Variants in DPF3 observed in about 807,000 individuals in gnomAD.
DPF3 encodes the protein double PHD fingers 3, also known as zinc finger protein DPF3.
In DPF3, 18 loss-of-function variants were observed where a neutral mutation model predicts 56.8. That is an observed-to-expected ratio of 0.32 (90% CI 0.22 to 0.47). The LOEUF (loss-of-function observed/expected upper bound fraction) is 0.47. DPF3 is among the 20% of genes least tolerant of loss of function. The probability of loss-of-function intolerance (pLI) is 1.00; values close to 1 mark genes in which losing one functional copy is unlikely to be tolerated. For missense variants in DPF3, 403 were observed against 488.8 expected (o/e 0.82, Z 1.65); for synonymous variants, 188 against 180.2 (o/e 1.04, Z -0.35).
At chr14:72,659,369 G>A (rs935889214) in intron 8 of DPF3, among the ~76,000 whole-genome samples, 1 of 152,016 alleles carries the variant, frequency 6.6e-6, no homozygotes, top group Non-Finnish European at 1.5e-5. Context: ...CTCCCTCTTG[G>A]TCAGTGACCA....
chr14:72,842,379 C>T (rs1050737699), intron 1 of DPF3, among the ~76,000 whole-genome samples: 1 of 152,186 alleles, frequency 6.6e-6, no homozygotes, highest in African/African-American at 2.4e-5. Flanking sequence ...ATTTACATAA[C>T]AGAGCACTAT....
At chr14:72,883,765 T>A (rs1241945117) in intron 1 of DPF3, among the ~76,000 whole-genome samples, 1 of 151,936 alleles carries the variant, frequency 6.6e-6, no homozygotes, top group Non-Finnish European at 1.5e-5. Context: ...CGATCTCTAC[T>A]GAAAATACAA....
intron 7 of DPF3, among the ~76,000 whole-genome samples, chr14:72,680,902 T>C (rs890487537): frequency 2.0e-5 from 3 of 152,226 alleles, no homozygotes; most frequent in African/African-American, 4.8e-5. Flanking sequence ...TTCAGGCCTA[T>C]TATTCAAGCA....
chr14:72,801,112 G>A (rs1044310096), intron 1 of DPF3, among the ~76,000 whole-genome samples: 1 of 152,188 alleles, frequency 6.6e-6, no homozygotes, highest in Non-Finnish European at 1.5e-5. Flanking sequence ...TTCACAGGTA[G>A]CTGTGAAAAG....
intron 8 of DPF3, among the ~76,000 whole-genome samples, chr14:72,646,171 C>A (rs1885717917): frequency 6.6e-6 from 1 of 152,226 alleles, no homozygotes; most frequent in Non-Finnish European, 1.5e-5. Flanking sequence ...TGAATGTGTC[C>A]ATGCAGATAT....
At chr14:72,878,202 G>A (rs868601966) in intron 1 of DPF3, among the ~76,000 whole-genome samples, 1 of 152,148 alleles carries the variant, frequency 6.6e-6, no homozygotes, top group Middle Eastern at 3.4e-3. Flanking sequence ...CTTTCTGGTG[G>A]TACCCTCTTC....
At chr14:72,839,449 G>A (rs182311749) in intron 1 of DPF3, among the ~76,000 whole-genome samples, 19 of 152,286 alleles carry the variant, frequency 1.2e-4, no homozygotes, top group South Asian at 8.3e-4. Context: ...GAGTTCTTCC[G>A]TGATTAGCGG....
At chr14:72,800,647 T>C (rs1307592317) in intron 1 of DPF3, among the ~76,000 whole-genome samples, 2 of 151,870 alleles carry the variant, frequency 1.3e-5, no homozygotes, top group Non-Finnish European at 2.9e-5. Flanking sequence ...CACAGATGGA[T>C]GCATGGATGG....
chr14:72,806,784 G>C (rs1882802948), intron 1 of DPF3: 2 of 152,118 alleles, frequency 1.3e-5, no homozygotes, highest in African/African-American at 4.8e-5. Flanking sequence ...CCTTACAGCA[G>C]AGTTCATTTT....
At chr14:72,706,700 C>T (rs944567192) in intron 6 of DPF3, among the ~76,000 whole-genome samples, 1 of 152,166 alleles carries the variant, frequency 6.6e-6, no homozygotes, top group African/African-American at 2.4e-5. Context: ...ATACTCCCCA[C>T]CATGACTCAA....
At chr14:72,661,854 C>CTTTTTTTTTTTT (rs60114618) in intron 8 of DPF3, 37 of 925,802 alleles carry the variant, frequency 4.0e-5, no homozygotes, top group Admixed American at 2.4e-4. Flanking sequence ...TTTATTTTTG[C>CTTTTTTTTTTTT]TTTTTTTTTT....
At chr14:72,719,068 C>G (rs1458167134) in intron 5 of DPF3, among the ~76,000 whole-genome samples, 1 of 99,110 alleles carries the variant, frequency 1.0e-5, no homozygotes, top group Non-Finnish European at 2.3e-5. Flanking sequence ...CCGTGCCAGG[C>G]CTTTTTTTTT....
At position 72,871,342 on chromosome 14, in the gene DPF3, A is replaced by C. The variant is rs138995306; in HGVS notation, c.32+22715T>G. Among the ~76,000 whole-genome samples the C allele has an allele frequency of 1.1e-3, 166 of 152,336 alleles. 1 individual carries two copies. The highest frequency in any genetic ancestry group is 2.1e-3 in the Non-Finnish European group (141 of 68,032). On this transcript the variant is annotated intron_variant, in intron 1 of 10. Coordinates refer to ENST00000556509, the MANE Select transcript of DPF3 (RefSeq NM_001280542.3). ...CCCCAAAGTCTTAATTCATTTCAGC[A>C]TTAACCCAAAAGTCCACAGTCCAAA...
At chr14:72,654,599 ATCTC>A (rs1156418663) in intron 8 of DPF3, among the ~76,000 whole-genome samples, 2 of 152,010 alleles carry the variant, frequency 1.3e-5, no homozygotes, top group African/African-American at 4.8e-5. Context: ...TGTCAACTCA[ATCTC>A]TCTGAGCCTC....
At chr14:72,856,656 G>A (rs1440220623) in intron 1 of DPF3, among the ~76,000 whole-genome samples, 3 of 152,250 alleles carry the variant, frequency 2.0e-5, no homozygotes, top group Admixed American at 1.3e-4. Flanking sequence ...TGGCTTAAGA[G>A]CATAGCTGTT....
chr14:72,651,856 C>T (rs1186356055), intron 8 of DPF3, among the ~76,000 whole-genome samples: 3 of 152,204 alleles, frequency 2.0e-5, no homozygotes, highest in Non-Finnish European at 4.4e-5. Context: ...GAGCAGCTGG[C>T]TCTTTGCAAC....
chr14:72,855,143 G>T (rs1001826234), intron 1 of DPF3, among the ~76,000 whole-genome samples: 14 of 152,190 alleles, frequency 9.2e-5, no homozygotes, highest in African/African-American at 2.9e-4. Flanking sequence ...CCCAGCTTCT[G>T]CAGCTCTGTC....
At chr14:72,856,615 A>G (rs988314493) in intron 1 of DPF3, among the ~76,000 whole-genome samples, 2 of 152,222 alleles carry the variant, frequency 1.3e-5, no homozygotes. Flanking sequence ...AAAAGAGCAC[A>G]CATTTAACCA....
At position 72,753,351 on chromosome 14, in the gene DPF3, A is replaced by T. The variant is rs1298507866; in HGVS notation, c.214T>A (p.Tyr72Asn). The change falls in exon 3 of 11, where the codon TAT becomes AAT. Residue 72 changes from tyrosine (Y) to asparagine (N), a missense_variant. By Grantham distance (143) the Tyr-to-Asn change is moderately radical. Coordinates refer to ENST00000556509, the MANE Select transcript of DPF3 (RefSeq NM_001280542.3). ...RGPGLAPGQLYTYPARCWRKK... is the reference protein window; with the variant it reads ...RGPGLAPGQLNTYPARCWRKK... ...CGCCAGCAGCGGGCAGGGTATGTAT[A>T]CAGCTGGCCCGGGGCAAGGCCTGTG... 6.2e-7 allele frequency: 1 copy of T among 1,612,632 alleles called. No homozygotes were observed. Among genetic ancestry groups the T allele is most frequent in the African/African-American group, 1.3e-5 (1 of 74,926 alleles).
Sources: gnomAD v4.1 joint callset for allele counts (sites outside exome capture counted in the v4.1 genomes callset) on GRCh38, gnomAD v4.1.1 for gene constraint, MANE v1.5 for transcripts, NCBI Gene and HGNC (gene_info 2026-07-23, HGNC 2026-07-21) for gene names.